The following TRPC5 variants were observed in gnomAD, a reference collection of about 807,000 sequenced individuals.
The protein encoded by TRPC5 is short transient receptor potential channel 5.
In TRPC5, 9 loss-of-function variants were observed where a neutral mutation model predicts 56.5. That is an observed-to-expected ratio of 0.16 (90% CI 0.10 to 0.28). The LOEUF (loss-of-function observed/expected upper bound fraction) is 0.28. Among genes scored for constraint, TRPC5 ranks in the 10% least tolerant of loss-of-function variants. The probability of loss-of-function intolerance (pLI) is 1.00; values close to 1 mark genes in which losing one functional copy is unlikely to be tolerated. For missense variants in TRPC5, 469 were observed against 748.9 expected, an observed-to-expected ratio of 0.63 and a Z score of 4.36; for synonymous variants, 282 against 278.5, an observed-to-expected ratio of 1.01 and a Z score of -0.13.
At chrX:111,825,280 C>G (rs1469831579) in intron 7 of TRPC5, among the ~76,000 whole-genome samples, 5 of 103,117 alleles carry the variant, frequency 4.8e-5, no homozygotes, top group Non-Finnish European at 2.0e-5. Flanking sequence ...CTTCGACAGT[C>G]TTGCTCTGTC....
intron 1 of TRPC5, among the ~76,000 whole-genome samples, chrX:112,081,079 A>G (rs1171539859): frequency 8.9e-6 from 1 of 112,180 alleles, no homozygotes; most frequent in African/African-American, 3.2e-5. Flanking sequence ...ACCTTGCTAA[A>G]CACTTAACCA....
At chrX:111,824,950 C>T (rs935622750) in intron 7 of TRPC5, among the ~76,000 whole-genome samples, 3 of 111,244 alleles carry the variant, frequency 2.7e-5, no homozygotes, top group East Asian at 2.8e-4. Context: ...TCTGATACCA[C>T]GTCCTCAATT....
intron 3 of TRPC5, among the ~76,000 whole-genome samples, chrX:111,898,418 G>A (rs747276677): frequency 9.1e-6 from 1 of 109,403 alleles, no homozygotes; most frequent in Non-Finnish European, 1.9e-5. Context: ...TTTATTAACT[G>A]TATGATTTGA....
chrX:112,011,766 G>A (rs1928999029), intron 1 of TRPC5, among the ~76,000 whole-genome samples: 1 of 111,591 alleles, frequency 9.0e-6, no homozygotes. Flanking sequence ...TACCTCTAGG[G>A]TCACCAGCTG....
chrX:111,938,457 C>T (rs1926667151), intron 2 of TRPC5, among the ~76,000 whole-genome samples: 1 of 110,710 alleles, frequency 9.0e-6, no homozygotes, highest in East Asian at 2.8e-4. Context: ...AGTTTTTGCC[C>T]ATTCAGTATG....
At chrX:111,962,019 T>C (rs752529064) in intron 1 of TRPC5, among the ~76,000 whole-genome samples, 3 of 111,716 alleles carry the variant, frequency 2.7e-5, no homozygotes, top group East Asian at 5.6e-4. Context: ...TCATTTCTAA[T>C]TGGGAACTAA....
chrX:111,938,572 G>T (rs1227374423), intron 2 of TRPC5, among the ~76,000 whole-genome samples: 7 of 111,095 alleles, frequency 6.3e-5, no homozygotes, highest in African/African-American at 2.3e-4. Flanking sequence ...GTTGAATTTT[G>T]TCAAAGGCCT....
At chrX:111,898,829 A>G (rs770300988) in intron 3 of TRPC5, among the ~76,000 whole-genome samples, 1 of 110,585 alleles carries the variant, frequency 9.0e-6, no homozygotes, top group South Asian at 3.9e-4. Context: ...AGGAGATAAT[A>G]TTAAAGTAGA....
In TRPC5 at chrX:111,776,936, G is replaced by A. The variant is rs1421832863; in HGVS notation, c.2299C>T (p.Pro767Ser). 3 of 1,185,387 alleles carry A rather than the reference G, an allele frequency of 2.5e-6. No homozygotes were observed. The highest frequency in any genetic ancestry group is 1.9e-5 in the South Asian group (1 of 52,392). The change falls in exon 11 of 11, where the codon CCA (proline) becomes TCA (serine). Residue 767 changes from proline to serine, a missense_variant. Physicochemically the swap from Pro to Ser is moderately conservative, Grantham distance 74. This residue lies in a region of TRPC5 where 194 missense variants were observed against 221.8 expected (regional missense o/e 0.87). Coordinates refer to ENST00000262839, the MANE Select transcript of TRPC5 (RefSeq NM_012471.3). ...VLDLLGNRKHPRSFSTSSTEL... is the reference protein window; with the variant it reads ...VLDLLGNRKHSRSFSTSSTEL... ...GTGCTGCTAGTGGAAAAGCTCCTTGGATGTTTTCTATTTCCCAAGAGGTCA... is the reference window on the plus strand; with the variant it reads ...GTGCTGCTAGTGGAAAAGCTCCTTGAATGTTTTCTATTTCCCAAGAGGTCA...
chrX:111,786,216 C>T (rs1268577061), intron 7 of TRPC5, among the ~76,000 whole-genome samples: 1 of 111,645 alleles, frequency 9.0e-6, no homozygotes, highest in Non-Finnish European at 1.9e-5. Flanking sequence ...CAACGGACCT[C>T]TCGGCAGAAA....
At chrX:111,974,781 C>T (rs995329420) in intron 1 of TRPC5, among the ~76,000 whole-genome samples, 4 of 111,458 alleles carry the variant, frequency 3.6e-5, no homozygotes, top group African/African-American at 1.3e-4. Flanking sequence ...TTTGACCTTA[C>T]TCCAGGGCTT....
At chrX:112,028,926 C>T (rs1438148648) in intron 1 of TRPC5, among the ~76,000 whole-genome samples, 1 of 112,460 alleles carries the variant, frequency 8.9e-6, no homozygotes, top group African/African-American at 3.2e-5. Context: ...TCCACATCCT[C>T]TCCAGCATCT....
chrX:111,927,805 G>C (rs758225789), intron 2 of TRPC5, among the ~76,000 whole-genome samples: 1 of 100,127 alleles, frequency 1.0e-5, no homozygotes. Flanking sequence ...TACTATTAAT[G>C]ATGGGAAACT....
intron 3 of TRPC5, among the ~76,000 whole-genome samples, chrX:111,878,711 G>GT (rs1342077940): frequency 9.0e-6 from 1 of 111,337 alleles, no homozygotes; most frequent in Non-Finnish European, 1.9e-5. Flanking sequence ...GGGTGGAGGG[G>GT]TGGTGGAGAG....
At chrX:111,864,764 A>T (rs1417779259) in intron 3 of TRPC5, among the ~76,000 whole-genome samples, 1 of 112,079 alleles carries the variant, frequency 8.9e-6, no homozygotes, top group African/African-American at 3.2e-5. Context: ...ACTTTTGCTT[A>T]ATTTCCGGAA....
intron 2 of TRPC5, among the ~76,000 whole-genome samples, chrX:111,951,557 G>A (rs1041178638): frequency 9.0e-6 from 1 of 111,551 alleles, no homozygotes; most frequent in African/African-American, 3.3e-5. Flanking sequence ...CACTTGACAG[G>A]TACTGGGAAA....
intron 7 of TRPC5, among the ~76,000 whole-genome samples, chrX:111,784,467 A>G (rs904985953): frequency 8.9e-6 from 1 of 111,757 alleles, no homozygotes; most frequent in Non-Finnish European, 1.9e-5. Context: ...AAGATGGCCA[A>G]CTAGGAATAG....
intron 7 of TRPC5, among the ~76,000 whole-genome samples, chrX:111,819,920 G>A (rs1348153977): frequency 1.8e-5 from 2 of 111,785 alleles, no homozygotes; most frequent in African/African-American, 6.5e-5. Flanking sequence ...TCTCAAACTC[G>A]GGAAGCCTGT....
intron 3 of TRPC5, among the ~76,000 whole-genome samples, chrX:111,867,932 T>C (rs900435811): frequency 2.0e-4 from 23 of 112,526 alleles, no homozygotes; most frequent in African/African-American, 7.4e-4. Context: ...CAGAACCTTC[T>C]AAGTTTTGGA....
Sources: allele counts gnomAD v4.1 joint callset (sites outside exome capture counted in the v4.1 genomes callset), GRCh38; gene constraint gnomAD v4.1.1; regional missense constraint gnomAD v4.1.1; transcripts MANE v1.5; gene names NCBI Gene and HGNC (gene_info 2026-07-23, HGNC 2026-07-21).